SOX5: variants seen among roughly 807,000 people sequenced by gnomAD.
The protein encoded by SOX5 is SRY-box transcription factor 5.
In SOX5, 9 loss-of-function variants were observed where a neutral mutation model predicts 92.0. That is an observed-to-expected ratio of 0.10 (90% CI 0.06 to 0.17). The LOEUF is 0.17. Among genes scored for constraint, SOX5 ranks in the 10% least tolerant of loss-of-function variants. The pLI is 1.00. For missense variants in SOX5, 642 were observed against 944.5 expected (o/e 0.68, Z 4.20); for synonymous variants, 344 against 336.3 (o/e 1.02, Z -0.25).
At chr12:24,108,584 A>G (rs1946956846) in intron 4 of SOX5, among the ~76,000 whole-genome samples, 1 of 152,170 alleles carries the variant, frequency 6.6e-6, no homozygotes, top group Non-Finnish European at 1.5e-5. Context: ...AATGACATTA[A>G]TTATAGCCTA....
chr12:24,402,571 G>A (rs1389626067), intron 1 of SOX5, among the ~76,000 whole-genome samples: 1 of 152,140 alleles, frequency 6.6e-6, no homozygotes, highest in Non-Finnish European at 1.5e-5. Flanking sequence ...CATTTAGGAG[G>A]TTCTAAAGCT....
In SOX5 at chr12:23,976,315, C is replaced by A. The variant is rs376437768; in HGVS notation, c.-1-80291G>T. Among the ~76,000 whole-genome samples, 90 of 146,186 alleles carry A rather than the reference C, an allele frequency of 6.2e-4. No individual in the cohort carries two copies. The South Asian group carries it at 9.5e-3, about 15-fold the overall frequency. Reference sequence around the variant, plus strand: ...TCTTGGAGAAATGGATGTGCAGTCCCGTAAAAGACCTTCAGTTTCTTAGAG... The same window carrying A: ...TCTTGGAGAAATGGATGTGCAGTCCAGTAAAAGACCTTCAGTTTCTTAGAG... On this transcript the variant is annotated intron_variant, in intron 4 of 4. Coordinates refer to the SOX5 transcript ENST00000446891.
At chr12:23,967,953 G>A (rs547776719) in intron 4 of SOX5, among the ~76,000 whole-genome samples, 2 of 152,240 alleles carry the variant, frequency 1.3e-5, no homozygotes. Flanking sequence ...TGCTTACTAA[G>A]TAGCAAAGCT....
intron 11 of SOX5, among the ~76,000 whole-genome samples, chr12:23,559,759 A>G (rs2136293574): frequency 6.6e-6 from 1 of 152,312 alleles, no homozygotes; most frequent in Middle Eastern, 3.4e-3. Flanking sequence ...TCTGGAGCTC[A>G]GGTCATGATA....
At chr12:24,229,044 A>G (rs1166241405) in intron 3 of SOX5, among the ~76,000 whole-genome samples, 1 of 152,172 alleles carries the variant, frequency 6.6e-6, no homozygotes, top group Non-Finnish European at 1.5e-5. Context: ...ACTTACAACA[A>G]TCCATATCCC....
chr12:23,663,203 G>A (rs943003405), intron 7 of SOX5, among the ~76,000 whole-genome samples: 12 of 152,092 alleles, frequency 7.9e-5, no homozygotes, highest in Non-Finnish European at 1.5e-4. Context: ...CTAGAGTTTG[G>A]TGTGATGCCA....
chr12:23,622,320 A>T (rs1163203256), intron 8 of SOX5, among the ~76,000 whole-genome samples: 2 of 151,946 alleles, frequency 1.3e-5, no homozygotes, highest in East Asian at 3.8e-4. Context: ...AAAGAGAAAA[A>T]AAAAAGTATT....
chr12:24,157,361 A>T (rs1952290051), intron 4 of SOX5, among the ~76,000 whole-genome samples: 1 of 152,128 alleles, frequency 6.6e-6, no homozygotes, highest in Non-Finnish European at 1.5e-5. Context: ...GGTAGGTGAA[A>T]TACCTTTAAC....
rs74341667 is a variant in SOX5 at position 23,820,776 on chromosome 12, G to T, written c.481+25207C>A. On this transcript the variant is annotated intron_variant, in intron 3 of 14. Coordinates refer to ENST00000451604, the MANE Select transcript of SOX5 (RefSeq NM_006940.6). ...TTGAGGCCTCTGTTCTGTTCCATTG[G>T]TCTATATCTCTGTTTTCATACCAGT... Among the ~76,000 whole-genome samples the T allele has an allele frequency of 2.6e-5, 4 of 152,108 alleles. No homozygotes were observed. In the South Asian group the frequency reaches 8.3e-4, roughly 32 times the overall value.
chr12:24,475,761 C>T (rs1009428273), intron 1 of SOX5, among the ~76,000 whole-genome samples: 3 of 152,176 alleles, frequency 2.0e-5, no homozygotes, highest in Admixed American at 6.5e-5. Context: ...GCCAGAGGAT[C>T]GCTTGAGCTC....
intron 11 of SOX5, among the ~76,000 whole-genome samples, chr12:23,554,247 G>C (rs924665753): frequency 6.6e-6 from 1 of 152,080 alleles, no homozygotes; most frequent in Admixed American, 6.6e-5. Context: ...GGTTTGGTGC[G>C]CAGTGAAGAC....
chr12:23,807,405 G>A (rs2095799039), intron 3 of SOX5, among the ~76,000 whole-genome samples: 1 of 152,120 alleles, frequency 6.6e-6, no homozygotes, highest in Non-Finnish European at 1.5e-5. Context: ...GAGTTCCTCA[G>A]AAGAAGGTGG....
intron 4 of SOX5, among the ~76,000 whole-genome samples, chr12:24,156,946 T>G (rs775721723): frequency 5.9e-5 from 9 of 152,076 alleles, no homozygotes; most frequent in Non-Finnish European, 1.2e-4. Flanking sequence ...TTATCTGCAG[T>G]GTTCCAAGTT....
chr12:23,913,257 T>C (rs2097371445), intron 1 of SOX5, among the ~76,000 whole-genome samples: 1 of 152,224 alleles, frequency 6.6e-6, no homozygotes, highest in South Asian at 2.1e-4. Flanking sequence ...GAATCAAAAA[T>C]GTATTTCTCA....
At chr12:23,701,237 G>A (rs952645031) in intron 6 of SOX5, among the ~76,000 whole-genome samples, 4 of 151,980 alleles carry the variant, frequency 2.6e-5, no homozygotes, top group Admixed American at 2.0e-4. Context: ...AGTGCTCAGT[G>A]TGTGCCAATA....
At chr12:24,431,645 G>A (rs569003523) in intron 1 of SOX5, among the ~76,000 whole-genome samples, 23 of 152,254 alleles carry the variant, frequency 1.5e-4, no homozygotes, top group East Asian at 5.8e-4. Flanking sequence ...AAATTGCACC[G>A]TAGTTCTCTA....
chr12:23,721,490 T>C (rs1452152625), intron 6 of SOX5, among the ~76,000 whole-genome samples: 3 of 152,020 alleles, frequency 2.0e-5, no homozygotes, highest in Non-Finnish European at 4.4e-5. Flanking sequence ...TACCAAACTG[T>C]TACCCTCATC....
At chr12:24,498,257 T>C (rs1340308737) in intron 1 of SOX5, among the ~76,000 whole-genome samples, 1 of 151,564 alleles carries the variant, frequency 6.6e-6, no homozygotes, top group African/African-American at 2.4e-5. Context: ...AGGTAAACAA[T>C]ATTATTATCA....
intron 7 of SOX5, among the ~76,000 whole-genome samples, chr12:23,662,866 G>A (rs2083254978): frequency 6.6e-6 from 1 of 152,150 alleles, no homozygotes. Flanking sequence ...ACAACAAATA[G>A]TATATCTTTC....
Sources: allele counts gnomAD v4.1 joint callset (sites outside exome capture counted in the v4.1 genomes callset), GRCh38; gene constraint gnomAD v4.1.1; transcripts MANE v1.5; gene names NCBI Gene and HGNC (gene_info 2026-07-23, HGNC 2026-07-21).